GALNTL6: variants seen among roughly 807,000 people sequenced by gnomAD.
The protein encoded by GALNTL6 is polypeptide N-acetylgalactosaminyltransferase like 6, also known as polypeptide N-acetylgalactosaminyltransferase-like 6.
In GALNTL6, 46 loss-of-function variants were observed where a neutral mutation model predicts 73.7. That is an observed-to-expected ratio of 0.62 (90% confidence interval 0.49 to 0.80). GALNTL6 has a LOEUF of 0.80. Among genes scored for constraint, GALNTL6 ranks in the 30% least tolerant of loss-of-function variants. The probability of loss-of-function intolerance (pLI) is 0.00; values close to 1 mark genes in which losing one functional copy is unlikely to be tolerated. For synonymous variants in GALNTL6, 259 were observed against 263.7 expected (o/e 0.98, Z 0.17); for missense variants, 604 against 755.0 (o/e 0.80, Z 2.34).
At chr4:172,259,833 C>T (rs543817985) in intron 3 of GALNTL6, among the ~76,000 whole-genome samples, 1 of 151,650 alleles carries the variant, frequency 6.6e-6, no homozygotes, top group African/African-American at 2.4e-5. Flanking sequence ...TGTGCTTTGC[C>T]AATTATCACA....
chr4:171,832,496 G>GAGATAGAT (rs1009292684), intron 2 of GALNTL6, among the ~76,000 whole-genome samples: 1 of 151,364 alleles, frequency 6.6e-6, no homozygotes, highest in Non-Finnish European at 1.5e-5. Flanking sequence ...GATAGGTAGA[G>GAGATAGAT]AGATAGATAG....
At chr4:172,414,475 T>C (rs924029000) in intron 5 of GALNTL6, among the ~76,000 whole-genome samples, 4 of 152,240 alleles carry the variant, frequency 2.6e-5, no homozygotes, top group South Asian at 2.1e-4. Flanking sequence ...ATATTCGCTG[T>C]AGATTTTCTT....
chr4:172,336,262 A>G (rs1273629079), intron 4 of GALNTL6, among the ~76,000 whole-genome samples: 2 of 115,068 alleles, frequency 1.7e-5, no homozygotes, highest in African/African-American at 6.4e-5. Flanking sequence ...TCTTCTTGGT[A>G]TAGTTTTGTT....
chr4:171,843,414 A>G (rs1579502787), intron 2 of GALNTL6, among the ~76,000 whole-genome samples: 1 of 152,152 alleles, frequency 6.6e-6, no homozygotes, highest in East Asian at 1.9e-4. Flanking sequence ...TTCATCCATA[A>G]AAGATTACTG....
intron 3 of GALNTL6, among the ~76,000 whole-genome samples, chr4:172,301,855 T>C (rs1283730863): frequency 1.3e-5 from 2 of 152,180 alleles, no homozygotes; most frequent in Non-Finnish European, 1.5e-5. Flanking sequence ...TTCTCAGATC[T>C]CCAGCTGCGT....
chr4:172,448,360 A>C (rs1358164057), intron 5 of GALNTL6, among the ~76,000 whole-genome samples: 1 of 152,178 alleles, frequency 6.6e-6, no homozygotes, highest in Middle Eastern at 3.2e-3. Flanking sequence ...TTTTGTGTCC[A>C]TCTTTGGAAA....
intron 11 of GALNTL6, among the ~76,000 whole-genome samples, chr4:173,016,979 C>T (rs1434179942): frequency 6.6e-6 from 1 of 152,096 alleles, no homozygotes; most frequent in Non-Finnish European, 1.5e-5. Context: ...TGAGTGAGTT[C>T]TCATGAGATC....
intron 5 of GALNTL6, among the ~76,000 whole-genome samples, chr4:172,685,260 C>A (rs1042751835): frequency 1.3e-5 from 2 of 151,920 alleles, no homozygotes; most frequent in East Asian, 3.9e-4. Flanking sequence ...TTTAGTGAAT[C>A]TTTTTCATTA....
At chr4:172,577,921 A>C (rs927523865) in intron 5 of GALNTL6, among the ~76,000 whole-genome samples, 1 of 152,216 alleles carries the variant, frequency 6.6e-6, no homozygotes, top group African/African-American at 2.4e-5. Flanking sequence ...AGCTGAGCCT[A>C]TCACAGGCAA....
chr4:172,764,835 T>G (rs1473430693), intron 5 of GALNTL6, among the ~76,000 whole-genome samples: 1 of 152,230 alleles, frequency 6.6e-6, no homozygotes, highest in Non-Finnish European at 1.5e-5. Context: ...ATAGTTTGTC[T>G]TATATAGACT....
intron 3 of GALNTL6, among the ~76,000 whole-genome samples, chr4:172,263,338 G>T (rs1007855073): frequency 6.6e-6 from 1 of 151,030 alleles, no homozygotes; most frequent in Non-Finnish European, 1.5e-5. Flanking sequence ...CTTTGTCTTT[G>T]TCTTATTGGG....
intron 5 of GALNTL6, among the ~76,000 whole-genome samples, chr4:172,771,726 C>T (rs1738772130): frequency 6.6e-6 from 1 of 152,078 alleles, no homozygotes; most frequent in African/African-American, 2.4e-5. Context: ...TTTCTGGGCC[C>T]TTCCCAGACC....
chr4:172,026,484 CTTGAACAG>C (rs1013363665), intron 2 of GALNTL6, among the ~76,000 whole-genome samples: 1 of 152,056 alleles, frequency 6.6e-6, no homozygotes, highest in African/African-American at 2.4e-5. Flanking sequence ...ACATGCGCTC[CTTGAACAG>C]TTGAAATGTA....
intron 2 of GALNTL6, among the ~76,000 whole-genome samples, chr4:171,970,333 G>A (rs1012320691): frequency 6.6e-6 from 1 of 152,128 alleles, no homozygotes; most frequent in Admixed American, 6.5e-5. Flanking sequence ...AGCATTTGGT[G>A]AAAATTTCTC....
At chr4:171,881,784 T>C (rs1736458912) in intron 2 of GALNTL6, among the ~76,000 whole-genome samples, 5 of 152,276 alleles carry the variant, frequency 3.3e-5, no homozygotes, top group Admixed American at 3.3e-4. Context: ...AATTTTTCCT[T>C]TTCTGAGGCA....
intron 3 of GALNTL6, among the ~76,000 whole-genome samples, chr4:172,302,678 A>G (rs1007485360): frequency 3.3e-5 from 5 of 152,196 alleles, no homozygotes; most frequent in African/African-American, 1.2e-4. Context: ...TTTGTATAAG[A>G]ATATTACTAT....
At chr4:172,016,622 T>C (rs1236316185) in intron 2 of GALNTL6, among the ~76,000 whole-genome samples, 2 of 152,110 alleles carry the variant, frequency 1.3e-5, no homozygotes, top group Non-Finnish European at 2.9e-5. Context: ...GCTAGTGTGA[T>C]ATTTTGGGGG....
At chr4:172,888,663 T>A (rs1178867553) in intron 8 of GALNTL6, among the ~76,000 whole-genome samples, 1 of 152,210 alleles carries the variant, frequency 6.6e-6, no homozygotes, top group Non-Finnish European at 1.5e-5. Context: ...ACTGTAGTCT[T>A]GTAGTACAGT....
chr4:172,920,962 G>A (rs1747759559), intron 8 of GALNTL6, among the ~76,000 whole-genome samples: 1 of 152,194 alleles, frequency 6.6e-6, no homozygotes, highest in Non-Finnish European at 1.5e-5. Context: ...GGCAGAAAAG[G>A]GTGATGAGTA....
Sources: gnomAD v4.1 joint callset for allele counts (sites outside exome capture counted in the v4.1 genomes callset) on GRCh38, gnomAD v4.1.1 for gene constraint, MANE v1.5 for transcripts, NCBI Gene and HGNC (gene_info 2026-07-23, HGNC 2026-07-21) for gene names.